The following RIMS1 variants were observed in gnomAD, a reference collection of about 807,000 sequenced individuals.
RIMS1 encodes the protein regulating synaptic membrane exocytosis 1, also known as regulating synaptic membrane exocytosis protein 1.
Under a neutral mutation model 214.1 loss-of-function variants are expected in RIMS1, and 83 were observed. The observed-to-expected ratio is 0.39, with a 90% CI of 0.32 to 0.47. RIMS1 has a LOEUF of 0.47. RIMS1 is among the 20% of genes least tolerant of loss of function. The pLI is 0.99. For synonymous variants in RIMS1, 793 were observed against 786.8 expected (o/e 1.01, Z -0.13); for missense variants, 2,050 against 2,161.8 (o/e 0.95, Z 1.03).
chr6:72,218,107 C>T (rs78212390), intron 6 of RIMS1, among the ~76,000 whole-genome samples: 1 of 144,996 alleles, frequency 6.9e-6, no homozygotes, highest in South Asian at 2.1e-4. Context: ...GGTTTTTTTG[C>T]TTTTTTTTTT....
intron 1 of RIMS1, among the ~76,000 whole-genome samples, chr6:71,889,566 A>G (rs568472806): frequency 6.6e-6 from 1 of 152,282 alleles, no homozygotes. Flanking sequence ...TTGTTCAGTG[A>G]CAGATTGGTG....
At position 71,887,168 on chromosome 6, in the gene RIMS1, AAAG is replaced by A. The variant is rs1236896549; in HGVS notation, c.152_154del (p.Glu51del). 4.3e-6 allele frequency: 7 copies of A among 1,610,420 alleles called. No homozygotes were observed. The South Asian group carries it at 4.4e-5, about 10-fold the overall frequency. ...GGACCGGCAGAAGGAAGAGGAGGAA[AAAG>A]AAGAAGCCATGCTCAAGTAAGCCAG... On this transcript the variant is annotated inframe_deletion, in exon 1 of 34. Coordinates refer to ENST00000521978, the MANE Select transcript of RIMS1 (RefSeq NM_014989.7).
At chr6:72,183,512 G>T (rs2048646643) in intron 6 of RIMS1, among the ~76,000 whole-genome samples, 1 of 94,102 alleles carries the variant, frequency 1.1e-5, no homozygotes, top group South Asian at 3.7e-4. Context: ...CCTTATAAAG[G>T]AAGTAGACAT....
intron 29 of RIMS1, among the ~76,000 whole-genome samples, chr6:72,347,095 C>T (rs16879207): frequency 2.0e-5 from 3 of 151,914 alleles, no homozygotes; most frequent in Non-Finnish European, 2.9e-5. Context: ...TTATACCATA[C>T]GTCTATTGAT....
Position 72,146,482 on chromosome 6 carries a change from T to A in RIMS1, c.472-33093T>A, listed in dbSNP as rs191377907. On this transcript the variant is annotated intron_variant, in intron 4 of 33. Transcript: ENST00000521978. ...TAACCAGTTTGACCATGAGGTGAAA[T>A]TCTTATAAATCTTTTATAAACCTTT... Among the ~76,000 whole-genome samples, 638 of 152,332 alleles carry A rather than the reference T, an allele frequency of 4.2e-3. 8 individuals carry two copies. Among genetic ancestry groups the A allele is most frequent in the African/African-American group, 0.015 (618 of 41,576 alleles).
At chr6:72,262,869 A>G (rs904389563) in intron 19 of RIMS1, 5 of 581,592 alleles carry the variant, frequency 8.6e-6, no homozygotes, top group Non-Finnish European at 1.1e-5. Context: ...AGTCTCTAGT[A>G]AACATAAGGA....
intron 19 of RIMS1, chr6:72,262,843 A>T (rs1176359224): frequency 1.4e-6 from 1 of 704,486 alleles, no homozygotes; most frequent in Non-Finnish European, 1.7e-6. Context: ...ATAAAAATAA[A>T]ATCTGAGGAT....
chr6:72,151,478 C>T lies in RIMS1; in HGVS notation c.472-28097C>T, dbSNP rs574516594. Reference sequence around the variant, plus strand: ...TTTTTCTATAGCTTCCTCATTATAACCTACTCATATTAGTGAACTAACAAT... The same window carrying T: ...TTTTTCTATAGCTTCCTCATTATAATCTACTCATATTAGTGAACTAACAAT... On this transcript the variant is annotated intron_variant, in intron 4 of 33. Transcript: ENST00000521978. Among the ~76,000 whole-genome samples, 5 of 152,282 alleles carry T rather than the reference C, an allele frequency of 3.3e-5. No homozygotes were observed. The South Asian group carries it at 8.3e-4, about 25-fold the overall frequency.
intron 29 of RIMS1, among the ~76,000 whole-genome samples, chr6:72,367,779 C>T (rs2098085421): frequency 6.6e-6 from 1 of 152,110 alleles, no homozygotes; most frequent in African/African-American, 2.4e-5. Flanking sequence ...AACTTCCTTT[C>T]TTACTTCTTT....
intron 16 of RIMS1, among the ~76,000 whole-genome samples, chr6:72,254,333 T>C (rs969623168): frequency 1.3e-5 from 2 of 152,206 alleles, no homozygotes; most frequent in Admixed American, 6.5e-5. Flanking sequence ...TCTCTGTTTT[T>C]ATTTCTTAGA....
chr6:71,966,334 G>A (rs1794425943), intron 1 of RIMS1, among the ~76,000 whole-genome samples: 1 of 152,062 alleles, frequency 6.6e-6, no homozygotes, highest in Non-Finnish European at 1.5e-5. Flanking sequence ...GAATATTAAT[G>A]TGTTTATTTT....
At position 72,313,527 on chromosome 6, in the gene RIMS1, T is replaced by C; in HGVS notation, c.3985T>C (p.Tyr1329His). The change falls in exon 28 of 34, where the codon TAC (tyrosine) becomes CAC (histidine). Residue 1329 changes from tyrosine to histidine, a missense_variant. Coordinates refer to ENST00000521978, the MANE Select transcript of RIMS1 (RefSeq NM_014989.7). ...YSKYNIHKDQ[Y>H]RSCDNVSAKS... is the part of the protein sequence containing the mutation. ...TTAGTATAACATACATAAAGATCAG[T>C]ACAGAAGCTGTGATAACGTCTCTGC... 6 of 1,613,602 alleles carry C rather than the reference T, an allele frequency of 3.7e-6. No individual in the cohort carries two copies. In the South Asian group the frequency reaches 6.6e-5, roughly 18 times the overall value.
chr6:72,377,700 A>G (rs370442027), intron 29 of RIMS1, among the ~76,000 whole-genome samples: 1 of 152,156 alleles, frequency 6.6e-6, no homozygotes, highest in African/African-American at 2.4e-5. Flanking sequence ...GTGAATTTTT[A>G]TTTTATATAT....
chr6:72,265,334 T>C (rs2079995761), intron 20 of RIMS1, 56 bp from the exon 21 acceptor site: 11 of 1,004,120 alleles, frequency 1.1e-5, no homozygotes, highest in Non-Finnish European at 1.6e-5. Context: ...GTTGTACTTG[T>C]TGATTTTAAT....
chr6:72,194,040 A>G (rs1273038905), intron 6 of RIMS1, among the ~76,000 whole-genome samples: 1 of 152,148 alleles, frequency 6.6e-6, no homozygotes, highest in Non-Finnish European at 1.5e-5. Context: ...TTAACCGAGG[A>G]GGTGAAAGAT....
At chr6:72,373,890 C>G (rs2098294815) in intron 29 of RIMS1, among the ~76,000 whole-genome samples, 1 of 152,028 alleles carries the variant, frequency 6.6e-6, no homozygotes, top group South Asian at 2.1e-4. Context: ...GAGATGAAAA[C>G]TAAAGACCTA....
intron 2 of RIMS1, among the ~76,000 whole-genome samples, chr6:72,060,663 T>C (rs750305905): frequency 2.0e-5 from 3 of 152,216 alleles, no homozygotes; most frequent in Non-Finnish European, 4.4e-5. Context: ...CAAAGCCATT[T>C]TTTTAGGTCC....
At chr6:71,915,353 A>G (rs542855325) in intron 1 of RIMS1, among the ~76,000 whole-genome samples, 1 of 152,314 alleles carries the variant, frequency 6.6e-6, no homozygotes, top group African/African-American at 2.4e-5. Flanking sequence ...GTCTAGTGAC[A>G]TATGAGATAA....
chr6:72,150,700 T>C (rs1049612996), intron 4 of RIMS1, among the ~76,000 whole-genome samples: 1 of 152,220 alleles, frequency 6.6e-6, no homozygotes, highest in Non-Finnish European at 1.5e-5. Context: ...CAATAGTAAT[T>C]GCCTGTTCAT....
Sources: gnomAD v4.1 joint callset for allele counts (sites outside exome capture counted in the v4.1 genomes callset) on GRCh38, gnomAD v4.1.1 for gene constraint, MANE v1.5 for transcripts, NCBI Gene and HGNC (gene_info 2026-07-23, HGNC 2026-07-21) for gene names.